Variants in ZNF383 observed in about 807,000 individuals in gnomAD.
The protein encoded by ZNF383 is zinc finger protein 383.
A neutral mutation model predicts 44.2 loss-of-function variants in ZNF383; 32 were observed. The ratio of observed to expected loss-of-function variants is 0.72; its 90% CI spans 0.55 to 0.97. ZNF383 has a LOEUF of 0.97. Among genes scored for constraint, ZNF383 ranks in the 50% least tolerant of loss-of-function variants. ZNF383 has a pLI of 0.00. For missense variants in ZNF383, 487 were observed against 562.5 expected, an observed-to-expected ratio of 0.87 and a Z score of 1.36; for synonymous variants, 155 against 186.2, an observed-to-expected ratio of 0.83 and a Z score of 1.36.
intron 1 of ZNF383, among the ~76,000 whole-genome samples, chr19:37,221,633 A>G (rs138270190): frequency 0.025 from 3,714 of 150,562 alleles, 173 homozygotes; most frequent in African/African-American, 0.085. Context: ...AAGGTATATG[A>G]CCTGATGACT....
chr19:37,243,951 C>A lies in ZNF383; in HGVS notation c.*287C>A. On this transcript the variant is annotated 3_prime_UTR_variant, in exon 6 of 6. Transcript: ENST00000684119. ...GCTTGTGTTTTTAGAGCTATCTTTTCTGATCTGTGTATTTGTGTTTGCACC... is the reference window on the plus strand; with the variant it reads ...GCTTGTGTTTTTAGAGCTATCTTTTATGATCTGTGTATTTGTGTTTGCACC... 1 of 273,312 alleles carries A rather than the reference C, an allele frequency of 3.7e-6. No homozygotes were observed. The highest frequency in any genetic ancestry group is 6.4e-5 in the East Asian group (1 of 15,578). The allele number at this position is 273,312 out of a possible 1,614,324, so 16.9% of individuals were successfully genotyped here.
chr19:37,232,028 A>C (rs1027968965), intron 3 of ZNF383, among the ~76,000 whole-genome samples: 19 of 152,094 alleles, frequency 1.2e-4, no homozygotes, highest in African/African-American at 4.6e-4. Flanking sequence ...AAAACTAATT[A>C]GTATTTTTTT....
chr19:37,225,881 C>A (rs1973137365), intron 2 of ZNF383, among the ~76,000 whole-genome samples: 1 of 151,440 alleles, frequency 6.6e-6, no homozygotes, highest in African/African-American at 2.4e-5. Context: ...CCTCCGCCTC[C>A]TGGGTTCAAG....
chr19:37,240,759 A>G (rs911656941), intron 5 of ZNF383, among the ~76,000 whole-genome samples: 5 of 152,158 alleles, frequency 3.3e-5, no homozygotes, highest in African/African-American at 9.7e-5. Context: ...AATACATTAG[A>G]CTTACATCTG....
At chr19:37,226,583 TTTTGAA>T (rs1181819693) in intron 2 of ZNF383, 1 of 152,214 alleles carries the variant, frequency 6.6e-6, no homozygotes, top group Non-Finnish European at 1.5e-5. Context: ...TATGTAGTCT[TTTTGAA>T]TTGGCTTCTT....
Position 37,243,190 on chromosome 19 carries a change from C to G in ZNF383, c.954C>G (p.Ala318=), listed in dbSNP as rs1318690300. The change falls in exon 6 of 6, where the codon GCC becomes GCG. Residue 318 remains alanine, a synonymous_variant. Coordinates refer to ENST00000684119, the MANE Select transcript of ZNF383 (RefSeq NM_001387601.1). ...KPYECKECGK[A]FTQSSKLVQH... ...ATGAATGTAAGGAATGTGGCAAAGC[C>G]TTTACCCAGAGCTCAAAGCTTGTTC... 6.8e-6 allele frequency: 11 copies of G among 1,613,940 alleles called. No individual in the cohort carries two copies. Among genetic ancestry groups the G allele is most frequent in the Middle Eastern group, 1.6e-4 (1 of 6,084 alleles).
At chr19:37,232,964 T>C (rs1216076757) in intron 3 of ZNF383, among the ~76,000 whole-genome samples, 1 of 152,196 alleles carries the variant, frequency 6.6e-6, no homozygotes, top group Non-Finnish European at 1.5e-5. Context: ...TCTTATTTTT[T>C]TTTTAATCCT....
chr19:37,221,286 T>C (rs1972906589), intron 1 of ZNF383, among the ~76,000 whole-genome samples: 1 of 152,114 alleles, frequency 6.6e-6, no homozygotes, highest in Admixed American at 6.6e-5. Flanking sequence ...TTTAAAAGTA[T>C]AACATACATT....
At position 37,243,137 on chromosome 19, in the gene ZNF383, G is replaced by C; in HGVS notation, c.901G>C (p.Ala301Pro). ...TAAGAGCTCACAACTTTTTCAGCAT[G>C]CACGAATTCATACAGGTGAGAAACC... ...FTKSSQLFQH[A>P]RIHTGEKPYE... The change falls in exon 6 of 6, where the codon GCA (alanine) becomes CCA (proline). Residue 301 changes from alanine to proline, a missense_variant. Coordinates refer to ENST00000684119, the MANE Select transcript of ZNF383 (RefSeq NM_001387601.1). The C allele has an allele frequency of 6.2e-7, 1 of 1,613,980 alleles. No homozygotes were observed. The highest frequency in any genetic ancestry group is 8.5e-7 in the Non-Finnish European group (1 of 1,179,986).
intron 5 of ZNF383, among the ~76,000 whole-genome samples, chr19:37,236,718 T>C (rs867719639): frequency 6.6e-6 from 1 of 151,964 alleles, no homozygotes; most frequent in South Asian, 2.1e-4. Context: ...TACAGGCGCA[T>C]GCCACCATGC....
intron 1 of ZNF383, among the ~76,000 whole-genome samples, chr19:37,221,390 T>A (rs963027149): frequency 6.7e-6 from 1 of 150,026 alleles, no homozygotes. Flanking sequence ...GAGACAAGCC[T>A]GGGCAAGATG....
intron 5 of ZNF383, among the ~76,000 whole-genome samples, chr19:37,240,889 C>T (rs906940389): frequency 2.0e-5 from 3 of 152,178 alleles, no homozygotes; most frequent in African/African-American, 7.2e-5. Flanking sequence ...TCACGGCAGC[C>T]TCTGCCTCCT....
chr19:37,233,699 A>C (rs1973622807), intron 3 of ZNF383, among the ~76,000 whole-genome samples: 1 of 151,966 alleles, frequency 6.6e-6, no homozygotes, highest in African/African-American at 2.4e-5. Context: ...AAGTGCTGGG[A>C]TTACCAGTGT....
Position 37,243,943 on chromosome 19 carries a change from T to G in ZNF383, c.*279T>G, listed in dbSNP as rs1028232378. 4 of 287,534 alleles carry G rather than the reference T, an allele frequency of 1.4e-5. No individual in the cohort carries two copies. Among genetic ancestry groups the G allele is most frequent in the African/African-American group, 6.5e-5 (3 of 46,190 alleles). 17.8% of individuals were successfully genotyped at this position (287,534 alleles called of 1,614,324 possible). On this transcript the variant is annotated 3_prime_UTR_variant, in exon 6 of 6. Transcript: ENST00000684119. ...TTATATTTGCTTGTGTTTTTAGAGCTATCTTTTCTGATCTGTGTATTTGTG... is the reference window on the plus strand; with the variant it reads ...TTATATTTGCTTGTGTTTTTAGAGCGATCTTTTCTGATCTGTGTATTTGTG...
intron 1 of ZNF383, among the ~76,000 whole-genome samples, chr19:37,218,841 T>C (rs563362905): frequency 1.3e-5 from 2 of 152,130 alleles, no homozygotes; most frequent in South Asian, 4.1e-4. Flanking sequence ...GTGGTCATTG[T>C]GTTATTTTGA....
chr19:37,227,829 A>T (rs1212908508), intron 2 of ZNF383: 4 of 152,232 alleles, frequency 2.6e-5, no homozygotes, highest in African/African-American at 9.6e-5. Context: ...GGGACAGTTT[A>T]CGTCATAATT....
chr19:37,230,268 G>A, intron 2 of ZNF383, 141 bp from the exon 3 acceptor site: 1 of 568,198 alleles, frequency 1.8e-6, no homozygotes, highest in Non-Finnish European at 3.2e-6. Context: ...GGAAGGAGTA[G>A]GATTTGTTCC....
At chr19:37,239,176 C>T (rs1382719496) in intron 5 of ZNF383, among the ~76,000 whole-genome samples, 1 of 152,160 alleles carries the variant, frequency 6.6e-6, no homozygotes, top group Non-Finnish European at 1.5e-5. Flanking sequence ...CCTTGGTCTC[C>T]CAAAGTGCTG....
intron 1 of ZNF383, chr19:37,219,412 C>T (rs1255173428): frequency 6.6e-6 from 1 of 152,474 alleles, no homozygotes; most frequent in African/African-American, 2.4e-5. Flanking sequence ...TGTGTCACCA[C>T]GCCCTGCTAA....
Sources: allele counts gnomAD v4.1 joint callset (sites outside exome capture counted in the v4.1 genomes callset), GRCh38; gene constraint gnomAD v4.1.1; transcripts MANE v1.5; gene names NCBI Gene and HGNC (gene_info 2026-07-23, HGNC 2026-07-21).